Variants in WWC2 observed in about 807,000 individuals in gnomAD.
The protein encoded by WWC2 is WW and C2 domain containing 2, also known as protein WWC2.
WWC2 carries 101 observed loss-of-function variants against 138.5 expected under a neutral mutation model. The ratio of observed to expected loss-of-function variants is 0.73; its 90% CI spans 0.62 to 0.86. The LOEUF (loss-of-function observed/expected upper bound fraction) is 0.86. WWC2 is among the 40% of genes least tolerant of loss of function. WWC2 has a pLI of 0.00. For missense variants in WWC2, 1,420 were observed against 1,419.4 expected (o/e 1.00, Z -0.01); for synonymous variants, 558 against 538.4 (o/e 1.04, Z -0.50).
Position 183,218,455 on chromosome 4 carries a change from G to A in WWC2, c.522+9430G>A, listed in dbSNP as rs143318346. Among the ~76,000 whole-genome samples the A allele has an allele frequency of 4.4e-4, 67 of 152,176 alleles. 1 individual carries two copies. In the East Asian group the frequency reaches 8.9e-3, roughly 20 times the overall value. ...TATATATCCAGAAGTGGAATTGTTC[G>A]ATCACAAGGTAATTCTAAATTTAAC... is the stretch of plus-strand genomic sequence containing the variant. On this transcript the variant is annotated intron_variant, in intron 4 of 22. Transcript: ENST00000403733.
At chr4:183,236,072 G>A (rs147744570) in intron 4 of WWC2, among the ~76,000 whole-genome samples, 1 of 152,246 alleles carries the variant, frequency 6.6e-6, no homozygotes, top group African/African-American at 2.4e-5. Context: ...TTCTGCATAT[G>A]GATATTTAGT....
chr4:183,312,093 A>G (rs946563187), intron 21 of WWC2, among the ~76,000 whole-genome samples: 9 of 152,182 alleles, frequency 5.9e-5, no homozygotes, highest in Admixed American at 3.3e-4. Context: ...AAATTGTCAC[A>G]TATTGCCTGT....
At chr4:183,157,005 A>G (rs956178083) in intron 1 of WWC2, among the ~76,000 whole-genome samples, 12 of 152,264 alleles carry the variant, frequency 7.9e-5, no homozygotes, top group Admixed American at 7.8e-4. Context: ...ACCCCAAAAC[A>G]ATAGCATTCA....
At chr4:183,239,131 A>G (rs778052520) in intron 4 of WWC2, among the ~76,000 whole-genome samples, 4 of 152,156 alleles carry the variant, frequency 2.6e-5, no homozygotes, top group African/African-American at 4.8e-5. Context: ...CCTGGGCAAC[A>G]TGGTCAAACC....
intron 21 of WWC2, among the ~76,000 whole-genome samples, chr4:183,304,727 C>T (rs1738967847): frequency 6.6e-6 from 1 of 152,182 alleles, no homozygotes; most frequent in South Asian, 2.1e-4. Flanking sequence ...CACAGGCCTA[C>T]TAAAAGACTG....
chr4:183,305,607 A>G (rs1304926231), intron 21 of WWC2, among the ~76,000 whole-genome samples: 1 of 152,222 alleles, frequency 6.6e-6, no homozygotes, highest in African/African-American at 2.4e-5. Flanking sequence ...GTGAGATGCA[A>G]TAATTTAAAT....
chr4:183,148,481 C>T (rs530986341), intron 1 of WWC2, among the ~76,000 whole-genome samples: 18 of 152,234 alleles, frequency 1.2e-4, no homozygotes, highest in Admixed American at 1.0e-3. Flanking sequence ...GTTAAGCTAT[C>T]TTAATGTTTA....
In WWC2 at chr4:183,103,999, G is replaced by A. The variant is rs991892870; in HGVS notation, c.131+4377G>A. Reference sequence around the variant, plus strand: ...TTTTGAGACAGAGTCTCACATTGTCGCCCAGGCTAGAGTGCAATGGCGCGA... The same window carrying A: ...TTTTGAGACAGAGTCTCACATTGTCACCCAGGCTAGAGTGCAATGGCGCGA... On this transcript the variant is annotated intron_variant, in intron 1 of 22. Coordinates refer to ENST00000403733, the MANE Select transcript of WWC2 (RefSeq NM_024949.6). 5.3e-5 allele frequency among the ~76,000 whole-genome samples: 8 copies of A among 150,246 alleles called. No individual in the cohort carries two copies. The East Asian group carries it at 7.9e-4, about 15-fold the overall frequency.
intron 1 of WWC2, among the ~76,000 whole-genome samples, chr4:183,149,250 A>G (rs1438020861): frequency 6.6e-6 from 1 of 152,182 alleles, no homozygotes; most frequent in Non-Finnish European, 1.5e-5. Context: ...CTTTATGGCA[A>G]TCATTTCCTT....
intron 21 of WWC2, among the ~76,000 whole-genome samples, chr4:183,294,631 G>A (rs892273429): frequency 9.2e-5 from 14 of 152,342 alleles, no homozygotes; most frequent in Admixed American, 5.2e-4. Flanking sequence ...AGTCCCCAGC[G>A]CCAGACATTT....
At chr4:183,311,034 G>A (rs556008195) in intron 21 of WWC2, among the ~76,000 whole-genome samples, 5 of 152,152 alleles carry the variant, frequency 3.3e-5, no homozygotes, top group Admixed American at 6.5e-5. Context: ...GATTTACATC[G>A]CTAGTAAGTG....
At chr4:183,293,675 G>A (rs1738536525) in intron 21 of WWC2, among the ~76,000 whole-genome samples, 1 of 152,120 alleles carries the variant, frequency 6.6e-6, no homozygotes, top group Non-Finnish European at 1.5e-5. Context: ...ATTATCTACA[G>A]GTGACATTGC....
At chr4:183,283,866 G>A (rs191946627) in intron 18 of WWC2, among the ~76,000 whole-genome samples, 159 of 152,290 alleles carry the variant, frequency 1.0e-3, no homozygotes, top group African/African-American at 3.3e-3. Context: ...ATGATGATAT[G>A]TACCCAAATA....
intron 16 of WWC2, among the ~76,000 whole-genome samples, chr4:183,279,568 T>C (rs1213640475): frequency 6.6e-6 from 1 of 152,352 alleles, no homozygotes; most frequent in East Asian, 1.9e-4. Flanking sequence ...TTCCTCCTTG[T>C]ACTTCTGGTA....
At chr4:183,114,165 G>A (rs1031208472) in intron 1 of WWC2, among the ~76,000 whole-genome samples, 1 of 152,034 alleles carries the variant, frequency 6.6e-6, no homozygotes, top group African/African-American at 2.4e-5. Flanking sequence ...TTGTTTAAGT[G>A]TACGGCACCA....
chr4:183,130,180 G>A (rs1369638157), intron 1 of WWC2, among the ~76,000 whole-genome samples: 1 of 151,546 alleles, frequency 6.6e-6, no homozygotes, highest in African/African-American at 2.4e-5. Context: ...AGCCTTCCAA[G>A]TAGCTGGGAC....
rs577807135 is a variant in WWC2 at position 183,108,098 on chromosome 4, A to G, written c.131+8476A>G. On this transcript the variant is annotated intron_variant, in intron 1 of 22. Transcript: ENST00000403733. Reference sequence around the variant, plus strand: ...AGTCACGTAATGAATCATATGTGCAATGTATATACATCAGCTTATTCAAAA... The same window carrying G: ...AGTCACGTAATGAATCATATGTGCAGTGTATATACATCAGCTTATTCAAAA... 1.1e-4 allele frequency among the ~76,000 whole-genome samples: 16 copies of G among 152,298 alleles called. 1 individual carries two copies. In the East Asian group the frequency reaches 2.9e-3, roughly 28 times the overall value.
rs770831737 is a variant in WWC2 at position 183,320,105 on chromosome 4, C to G, written c.*4376C>G. 1.9e-6 allele frequency: 3 copies of G among 1,614,050 alleles called. No homozygotes were observed. Among genetic ancestry groups the G allele is most frequent in the Admixed American group, 1.7e-5 (1 of 60,012 alleles). ...TCCAGTTTTCCATTTCATTTAAGTC[C>G]AGGTTGAGGTTCTTCCAGTGTGGCA... On this transcript the variant is annotated 3_prime_UTR_variant, in exon 23 of 23. Coordinates refer to ENST00000403733, the MANE Select transcript of WWC2 (RefSeq NM_024949.6).
At chr4:183,275,768 C>T (rs185881269) in intron 16 of WWC2, among the ~76,000 whole-genome samples, 7 of 152,170 alleles carry the variant, frequency 4.6e-5, no homozygotes, top group South Asian at 2.1e-4. Flanking sequence ...GTTTTTATCA[C>T]GCTAATTCTG....
Sources: allele counts gnomAD v4.1 joint callset (sites outside exome capture counted in the v4.1 genomes callset), GRCh38; gene constraint gnomAD v4.1.1; transcripts MANE v1.5; gene names NCBI Gene and HGNC (gene_info 2026-07-23, HGNC 2026-07-21).